MVK: variants seen among roughly 807,000 people sequenced by gnomAD.
The protein encoded by MVK is mevalonate kinase.
MVK carries 34 observed loss-of-function variants against 43.2 expected under a neutral mutation model. That is an observed-to-expected ratio of 0.79 (90% CI 0.60 to 1.05). The LOEUF (loss-of-function observed/expected upper bound fraction) is 1.05. Ranked by LOEUF, MVK falls within the 50% of genes least tolerant of loss-of-function variation. MVK has a pLI of 0.00. For synonymous variants in MVK, 190 were observed against 219.8 expected, an observed-to-expected ratio of 0.86 and a Z score of 1.20; for missense variants, 395 against 504.0, an observed-to-expected ratio of 0.78 and a Z score of 2.07.
At position 109,582,909 on chromosome 12, in the gene MVK, C is replaced by T. The variant is rs547935591; in HGVS notation, c.527+1359C>T. Among the ~76,000 whole-genome samples, 90 of 152,180 alleles carry T rather than the reference C, an allele frequency of 5.9e-4. 1 individual carries two copies. The highest frequency in any genetic ancestry group is 2.2e-3 in the African/African-American group (90 of 41,522). ...ACAAGTGGTGTGTCTGGAATGCACCCCACACACACACCTTGCCCAGCTGGC... is the reference window on the plus strand; with the variant it reads ...ACAAGTGGTGTGTCTGGAATGCACCTCACACACACACCTTGCCCAGCTGGC... On this transcript the variant is annotated intron_variant, in intron 5 of 10. Transcript: ENST00000228510.
chr12:109,591,003 AAAG>A (rs1454845721), intron 8 of MVK, 142 bp downstream of exon 8: 12 of 1,008,988 alleles, frequency 1.2e-5, no homozygotes, highest in Non-Finnish European at 1.8e-5. Context: ...TTTTGGCAGA[AAAG>A]AAGGTACCGT....
At chr12:109,586,853 GGGGCAGA>G (rs1885456905) in intron 7 of MVK, 54 bp downstream of exon 7, 1 of 1,596,872 alleles carries the variant, frequency 6.3e-7, no homozygotes, top group Admixed American at 1.7e-5. Context: ...ATGTGTGCAG[GGGGCAGA>G]GCTCTGCACC....
chr12:109,595,234 C>T lies in MVK; in HGVS notation c.1039+53C>T. The T allele has an allele frequency of 1.2e-6, 2 of 1,606,436 alleles. No individual in the cohort carries two copies. The highest frequency in any genetic ancestry group is 1.7e-6 in the Non-Finnish European group (2 of 1,177,242). On this transcript the variant is annotated intron_variant, in intron 10 of 10. Coordinates refer to ENST00000228510, the MANE Select transcript of MVK (RefSeq NM_000431.4). This position sits in a 1 kb window ranked among gnomAD's most constrained non-coding sequence, Gnocchi z 5.9. ...GCCAGCCTGGGCTCCTAAGAGGGGTCCACCTGGAGAATTCCCTTGAAAGGA... is the reference window on the plus strand; with the variant it reads ...GCCAGCCTGGGCTCCTAAGAGGGGTTCACCTGGAGAATTCCCTTGAAAGGA...
chr12:109,590,547 A>G, intron 7 of MVK: 1 of 600,732 alleles, frequency 1.7e-6, no homozygotes. Context: ...TGAATGAATA[A>G]ATGAGTGAAA....
In MVK at chr12:109,576,015, C is replaced by T; in HGVS notation, c.96C>T (p.Ser32=). The change falls in exon 3 of 11, where the codon TCC becomes TCT. Residue 32 remains serine, a synonymous_variant. Coordinates refer to ENST00000228510, the MANE Select transcript of MVK (RefSeq NM_000431.4). ...TTCTATAGGTAGCACTGGCTGTATC[C>T]TTGAACTTGAGAACATTCCTCCGGC... is the stretch of plus-strand genomic sequence containing the variant. ...VVHGKVALAV[S]LNLRTFLRLQ... 3.1e-6 allele frequency: 5 copies of T among 1,614,182 alleles called. No homozygotes were observed. Among genetic ancestry groups the T allele is most frequent in the Non-Finnish European group, 4.2e-6 (5 of 1,180,026 alleles).
chr12:109,592,245 T>C (rs957194500), intron 9 of MVK, among the ~76,000 whole-genome samples: 1 of 152,192 alleles, frequency 6.6e-6, no homozygotes, highest in Non-Finnish European at 1.5e-5. Context: ...TGGAGTCTCA[T>C]GGGTGACACG....
At chr12:109,591,013 C>G in intron 8 of MVK, 152 bp downstream of exon 8, 1 of 933,678 alleles carries the variant, frequency 1.1e-6, no homozygotes, top group Middle Eastern at 2.7e-4. Flanking sequence ...AAAGAAGGTA[C>G]CGTCCGTGCC....
rs1566150887 is a variant in MVK, at chr12:109,591,345, C to A, written c.873C>A (p.Tyr291Ter). 2 of 1,614,018 alleles carry A rather than the reference C, an allele frequency of 1.2e-6. No homozygotes were observed. Among genetic ancestry groups the A allele is most frequent in the Non-Finnish European group, 1.7e-6 (2 of 1,180,010 alleles). The change falls in exon 9 of 11, where the codon TAC (tyrosine) becomes TAA (stop). Residue 291 changes from tyrosine (Y) to a stop codon, truncating the protein, a stop_gained. Transcript: ENST00000228510. LOFTEE classifies it high-confidence loss of function. ...EMGEAPAPEQ[Y>*]LVLEELIDMN... Reference sequence around the variant, plus strand: ...GGGAAGCCCCAGCCCCGGAGCAGTACCTCGTGCTGGAAGTAAGAGCCTGTC... The same window carrying A: ...GGGAAGCCCCAGCCCCGGAGCAGTAACTCGTGCTGGAAGTAAGAGCCTGTC...
At chr12:109,588,636 C>T (rs959126574) in intron 7 of MVK, 7 of 152,172 alleles carry the variant, frequency 4.6e-5, no homozygotes, top group African/African-American at 1.7e-4. Context: ...TCCTTGTTTA[C>T]TTAGGGGGAT....
intron 7 of MVK, chr12:109,589,383 T>TG (rs1885576840): frequency 1.3e-5 from 2 of 152,192 alleles, no homozygotes; most frequent in Admixed American, 1.3e-4. Flanking sequence ...ACAGAGAAGC[T>TG]GGGGGCCAGA....
intron 9 of MVK, among the ~76,000 whole-genome samples, chr12:109,593,512 G>GTCGGGTAGACAGGAGCTTCATA (rs527556696): frequency 0.053 from 8,116 of 152,252 alleles, 298 homozygotes; most frequent in Non-Finnish European, 0.082. Context: ...GGAGCTTCAT[G>GTCGGGTAGACAGGAGCTTCATA]TCAGGCAGAC....
intron 9 of MVK, 50 bp from the exon 10 acceptor site, chr12:109,594,978 C>T: frequency 6.2e-7 from 1 of 1,608,654 alleles, no homozygotes; most frequent in Non-Finnish European, 8.5e-7. Flanking sequence ...GGGCATAGGA[C>T]CTTGGCCTCA....
At chr12:109,579,243 G>A (rs374996248) in intron 3 of MVK, 5 of 442,338 alleles carry the variant, frequency 1.1e-5, no homozygotes, top group East Asian at 7.1e-5. Flanking sequence ...GGGCTCAAGC[G>A]ATCCTCCTGC....
intron 2 of MVK, 103 bp downstream of exon 2, chr12:109,575,003 T>G (rs1479231446): frequency 4.4e-6 from 5 of 1,139,990 alleles, no homozygotes; most frequent in Non-Finnish European, 5.2e-6. Flanking sequence ...TGGGAGCAGA[T>G]CAGAGAGATC....
chr12:109,590,712 C>A, intron 7 of MVK, 59 bp from the exon 8 acceptor site: 1 of 1,531,100 alleles, frequency 6.5e-7, no homozygotes, highest in South Asian at 1.1e-5. Context: ...TGCTCCCAGT[C>A]CTGTCCCAGC....
At chr12:109,573,578 A>G, upstream of MVK, 1 of 1,419,498 alleles carries the variant, frequency 7.0e-7, no homozygotes, top group Non-Finnish European at 9.6e-7. Context: ...TCAGGTTTCA[A>G]TTTTTATTGG....
At chr12:109,593,356 C>T (rs1037288721) in intron 9 of MVK, among the ~76,000 whole-genome samples, 2 of 152,246 alleles carry the variant, frequency 1.3e-5, no homozygotes, top group Non-Finnish European at 2.9e-5. Context: ...GACCGGCCAT[C>T]CCCATGCGGG....
intron 5 of MVK, among the ~76,000 whole-genome samples, 155 bp from the exon 6 acceptor site, chr12:109,585,867 G>C: frequency 6.6e-6 from 1 of 152,164 alleles, no homozygotes; most frequent in East Asian, 1.9e-4. Flanking sequence ...CACTTGGCAC[G>C]CTCCGTAGCT....
In MVK at chr12:109,581,420, G is replaced by A; in HGVS notation, c.397G>A (p.Val133Met). Residue 133 changes from valine to methionine, a missense_variant, in exon 5 of 11, where the codon GTG becomes ATG. Transcript: ENST00000228510. ...QRALPSLDIV[V>M]WSELPPGAGL... The stretch of plus-strand genomic sequence containing the variant: ...GGCCCTGCCGAGCCTGGATATCGTA[G>A]TGTGGTCGGAGCTGCCCCCCGGGGC... 1 of 1,614,128 alleles carries A rather than the reference G, an allele frequency of 6.2e-7. No individual in the cohort carries two copies. Among genetic ancestry groups the A allele is most frequent in the Non-Finnish European group, 8.5e-7 (1 of 1,180,024 alleles).
Sources: gnomAD v4.1 joint callset for allele counts (sites outside exome capture counted in the v4.1 genomes callset) on GRCh38, gnomAD v4.1.1 for gene constraint, Gnocchi (gnomAD v3.1) non-coding constraint, MANE v1.5 for transcripts, NCBI Gene and HGNC (gene_info 2026-07-23, HGNC 2026-07-21) for gene names.